The following TMEM131L variants were observed in gnomAD, a reference collection of about 807,000 sequenced individuals.
The protein encoded by TMEM131L is transmembrane protein 131-like.
A neutral mutation model predicts 192.2 loss-of-function variants in TMEM131L; 54 were observed. The ratio of observed to expected loss-of-function variants is 0.28; its 90% confidence interval spans 0.23 to 0.35. The LOEUF is 0.35. Ranked by LOEUF, TMEM131L falls within the 10% of genes least tolerant of loss-of-function variation. The pLI is 1.00. For missense variants in TMEM131L, 1,888 were observed against 1,972.9 expected, an observed-to-expected ratio of 0.96 and a Z score of 0.82; for synonymous variants, 701 against 704.9, an observed-to-expected ratio of 0.99 and a Z score of 0.09.
Position 153,635,432 on chromosome 4 carries a change from A to G in TMEM131L, c.4418A>G (p.Glu1473Gly). Residue 1473 changes from glutamate to glycine, a missense_variant and splice_region_variant, in exon 34 of 35, where the codon GAA becomes GGA. Transcript: ENST00000409959. ...ELNDYNAFPE[E>G]NMNYANGFPC... ...GATGATATTCTCCCATTCTTTGTAG[A>G]AAACATGAACTATGCCAATGGCTTC... is the stretch of plus-strand genomic sequence containing the variant. 1 of 1,613,538 alleles carries G rather than the reference A, an allele frequency of 6.2e-7. No individual in the cohort carries two copies. Among genetic ancestry groups the G allele is most frequent in the Non-Finnish European group, 8.5e-7 (1 of 1,179,600 alleles).
chr4:153,585,112 G>A (rs1162260859), intron 12 of TMEM131L, among the ~76,000 whole-genome samples, 181 bp downstream of exon 12: 1 of 152,246 alleles, frequency 6.6e-6, no homozygotes, highest in African/African-American at 2.4e-5. Context: ...TGGGGAAAAG[G>A]AAGTGAAATA....
At position 153,623,028 on chromosome 4, in the gene TMEM131L, C is replaced by T; in HGVS notation, c.3990C>T (p.Ser1330=). ...RGSWGSWSST[S]SSDGDKKPMV... The stretch of plus-strand genomic sequence containing the variant: ...GCTGGGGGAGCTGGAGCAGCACCAG[C>T]AGCTCCGACGGGGATAAGAAGCCCA... Residue 1330 remains serine, a synonymous_variant, in exon 29 of 35, where the codon AGC becomes AGT. Coordinates refer to ENST00000409959, the MANE Select transcript of TMEM131L (RefSeq NM_001131007.2). The T allele has an allele frequency of 6.2e-7, 1 of 1,613,978 alleles. No homozygotes were observed. Among genetic ancestry groups the T allele is most frequent in the South Asian group, 1.1e-5 (1 of 91,058 alleles).
At position 153,586,368 on chromosome 4, in the gene TMEM131L, G is replaced by A. The variant is rs761592397; in HGVS notation, c.1471G>A (p.Ala491Thr). ...IFAIPLQIYS[A>T]PTKEGSLGFE... Reference sequence around the variant, plus strand: ...TGCAATACCTCTACAGATTTATTCAGCACCAACCAAGGTATTTTCTACAAT... The same window carrying A: ...TGCAATACCTCTACAGATTTATTCAACACCAACCAAGGTATTTTCTACAAT... Residue 491 changes from alanine to threonine, a missense_variant, in exon 14 of 35, where the codon GCA becomes ACA. By Grantham distance (58) the Ala-to-Thr change is moderately conservative. Coordinates refer to ENST00000409959, the MANE Select transcript of TMEM131L (RefSeq NM_001131007.2). 3 of 1,596,418 alleles carry A rather than the reference G, an allele frequency of 1.9e-6. No individual in the cohort carries two copies. The South Asian group carries it at 3.5e-5, about 19-fold the overall frequency.
chr4:153,556,946 A>G lies in TMEM131L; in HGVS notation c.433-20A>G, dbSNP rs773874452. On this transcript the variant is annotated intron_variant, in intron 5 of 34. Coordinates refer to ENST00000409959, the MANE Select transcript of TMEM131L (RefSeq NM_001131007.2). ...CAAAGGAGGCCATTCCAAGTGGCTG[A>G]CTGGGGACCTTTCTTTCAGGTAATT... 9.0e-6 allele frequency: 11 copies of G among 1,221,114 alleles called. No individual in the cohort carries two copies. In the Admixed American group the frequency reaches 2.0e-4, roughly 22 times the overall value. The allele number at this position is 1,221,114 out of a possible 1,614,324, so 75.6% of individuals were successfully genotyped here. A position where few individuals can be genotyped will look rare whatever the true frequency, so the allele number is the denominator to read the frequency against.
At chr4:153,504,975 G>A (rs181042998) in intron 3 of TMEM131L, among the ~76,000 whole-genome samples, 45 of 152,272 alleles carry the variant, frequency 3.0e-4, no homozygotes, top group Non-Finnish European at 2.4e-4. Flanking sequence ...GGCTAGGAGC[G>A]AACTGTGGGG....
intron 3 of TMEM131L, among the ~76,000 whole-genome samples, chr4:153,529,235 A>G (rs1388656886): frequency 6.6e-6 from 1 of 152,234 alleles, no homozygotes; most frequent in Non-Finnish European, 1.5e-5. Flanking sequence ...TTGCACTGGT[A>G]AAAGAAATGA....
At chr4:153,562,670 G>C (rs2150527092) in intron 7 of TMEM131L, among the ~76,000 whole-genome samples, 1 of 152,278 alleles carries the variant, frequency 6.6e-6, no homozygotes, top group East Asian at 1.9e-4. Flanking sequence ...AGGTACCAAA[G>C]GCATAATTGC....
intron 7 of TMEM131L, among the ~76,000 whole-genome samples, chr4:153,569,966 ACATT>A (rs1299186127): frequency 6.6e-6 from 1 of 152,172 alleles, no homozygotes; most frequent in Non-Finnish European, 1.5e-5. Flanking sequence ...CTGTGAGTTA[ACATT>A]CAAAGAATTT....
At chr4:153,613,977 C>T (rs921362931) in intron 26 of TMEM131L, among the ~76,000 whole-genome samples, 1 of 152,228 alleles carries the variant, frequency 6.6e-6, no homozygotes, top group Non-Finnish European at 1.5e-5. Context: ...TTCTGTGTAA[C>T]CAAACACCAA....
intron 2 of TMEM131L, among the ~76,000 whole-genome samples, chr4:153,468,223 C>T (rs1159739656): frequency 6.6e-6 from 1 of 152,182 alleles, no homozygotes; most frequent in African/African-American, 2.4e-5. Context: ...CTATGTGAAA[C>T]ATTCAGAGTG....
intron 25 of TMEM131L, among the ~76,000 whole-genome samples, chr4:153,608,808 C>T (rs1455375250): frequency 6.6e-6 from 1 of 152,226 alleles, no homozygotes; most frequent in Admixed American, 6.5e-5. Context: ...GAGGAGATCA[C>T]TTGTGTCTTG....
chr4:153,586,601 G>A lies in TMEM131L; in HGVS notation c.1482+222G>A, dbSNP rs748126156. ...TTTTATAAAGTAATTTGAAGTTCTTGAATGAAATAAGGCATGACCAATAGA... is the reference window on the plus strand; with the variant it reads ...TTTTATAAAGTAATTTGAAGTTCTTAAATGAAATAAGGCATGACCAATAGA... On this transcript the variant is annotated intron_variant, in intron 14 of 34. Coordinates refer to ENST00000409959, the MANE Select transcript of TMEM131L (RefSeq NM_001131007.2). Among the ~76,000 whole-genome samples the A allele has an allele frequency of 3.5e-4, 54 of 152,228 alleles. 1 individual carries two copies. Among genetic ancestry groups the A allele is most frequent in the Middle Eastern group, 3.4e-3 (1 of 294 alleles).
At chr4:153,560,901 G>A (rs1728803551) in intron 7 of TMEM131L, among the ~76,000 whole-genome samples, 1 of 152,186 alleles carries the variant, frequency 6.6e-6, no homozygotes, top group Non-Finnish European at 1.5e-5. Flanking sequence ...TGTATATTTA[G>A]GAGTGGAATT....
At chr4:153,578,711 G>A (rs936937288) in intron 7 of TMEM131L, among the ~76,000 whole-genome samples, 4 of 152,102 alleles carry the variant, frequency 2.6e-5, no homozygotes, top group Non-Finnish European at 4.4e-5. Context: ...TAGTAGAGAC[G>A]GGGTTTCACC....
rs768775059 is a variant in TMEM131L, at chr4:153,592,573, G to T, written c.1911G>T (p.Leu637=). The part of the protein sequence containing the change: ...LYPKPEALVH[L]LHRWFGTDMQ... ...CTAAACCCGAAGCCCTAGTGCACCT[G>T]CTCCACAGATGGTATGAAGACTTTT... Residue 637 remains leucine (L), a synonymous_variant, in exon 18 of 35, where the codon CTG becomes CTT. Coordinates refer to ENST00000409959, the MANE Select transcript of TMEM131L (RefSeq NM_001131007.2). The T allele has an allele frequency of 6.2e-6, 10 of 1,610,384 alleles. No individual in the cohort carries two copies. Among genetic ancestry groups the T allele is most frequent in the Middle Eastern group, 1.6e-4 (1 of 6,080 alleles).
At chr4:153,478,962 G>A (rs1286378468) in intron 3 of TMEM131L, among the ~76,000 whole-genome samples, 2 of 152,210 alleles carry the variant, frequency 1.3e-5, no homozygotes, top group Non-Finnish European at 2.9e-5. Context: ...AACCCATACA[G>A]AGGAGTCACT....
intron 3 of TMEM131L, among the ~76,000 whole-genome samples, chr4:153,505,967 GA>G (rs371220499): frequency 4.6e-5 from 7 of 152,158 alleles, no homozygotes; most frequent in African/African-American, 1.7e-4. Context: ...ACCAGATCTT[GA>G]TAGCTTGAAT....
chr4:153,600,195 T>C (rs912867438), intron 21 of TMEM131L, among the ~76,000 whole-genome samples: 19 of 152,050 alleles, frequency 1.2e-4, no homozygotes, highest in African/African-American at 3.9e-4. Context: ...CAAGACCTCA[T>C]CTCTGCTAAG....
At chr4:153,612,499 C>T in intron 26 of TMEM131L, 99 bp downstream of exon 26, 1 of 892,820 alleles carries the variant, frequency 1.1e-6, no homozygotes, top group Non-Finnish European at 1.7e-6. Flanking sequence ...GCATTTGAAT[C>T]CATATTAATA....
Sources: gnomAD v4.1 joint callset for allele counts (sites outside exome capture counted in the v4.1 genomes callset) on GRCh38, gnomAD v4.1.1 for gene constraint, MANE v1.5 for transcripts, NCBI Gene and HGNC (gene_info 2026-07-23, HGNC 2026-07-21) for gene names.